Variants in LRP1B observed in about 807,000 individuals in gnomAD.
LRP1B encodes LDL receptor related protein 1B, also known as low-density lipoprotein receptor-related protein 1B.
In LRP1B, 217 loss-of-function variants were observed where a neutral mutation model predicts 556.6. That is an observed-to-expected ratio of 0.39 (90% CI 0.35 to 0.44). The LOEUF is 0.44. Ranked by LOEUF, LRP1B falls within the 20% of genes least tolerant of loss-of-function variation. LRP1B has a pLI of 1.00. For synonymous variants in LRP1B, 2,047 were observed against 1,865.8 expected, an observed-to-expected ratio of 1.10 and a Z score of -2.50; for missense variants, 5,053 against 5,620.8, an observed-to-expected ratio of 0.90 and a Z score of 3.23.
At chr2:140,766,842 TATTA>T (rs1469870986) in intron 35 of LRP1B, among the ~76,000 whole-genome samples, 233 of 15,334 alleles carry the variant, frequency 0.015, no homozygotes, top group South Asian at 0.056. Flanking sequence ...TATATATATA[TATTA>T]TATATATATA....
intron 41 of LRP1B, among the ~76,000 whole-genome samples, chr2:140,693,510 T>C (rs1686318342): frequency 6.6e-6 from 1 of 152,038 alleles, no homozygotes. Flanking sequence ...TGCATTAAAT[T>C]TACAGATAAT....
At chr2:141,463,155 A>G (rs1681979676) in intron 3 of LRP1B, among the ~76,000 whole-genome samples, 1 of 152,178 alleles carries the variant, frequency 6.6e-6, no homozygotes, top group Admixed American at 6.5e-5. Flanking sequence ...ATTGTGGACA[A>G]GTAGTACTTT....
chr2:141,283,715 C>T (rs1304305851), intron 3 of LRP1B, among the ~76,000 whole-genome samples: 2 of 120,994 alleles, frequency 1.7e-5, no homozygotes, highest in East Asian at 5.6e-4. Context: ...CCTGCCTCAG[C>T]CTCCAGACTA....
chr2:142,087,109 T>C (rs1705969655), intron 1 of LRP1B, among the ~76,000 whole-genome samples: 1 of 152,220 alleles, frequency 6.6e-6, no homozygotes, highest in African/African-American at 2.4e-5. Context: ...AATGAGAGAG[T>C]AATATGAAGC....
intron 2 of LRP1B, among the ~76,000 whole-genome samples, chr2:141,650,450 C>G (rs1313057091): frequency 6.6e-6 from 1 of 152,024 alleles, no homozygotes; most frequent in East Asian, 1.9e-4. Context: ...TCCATTTCAG[C>G]CTAAGAACAA....
chr2:140,921,278 G>A (rs1343493614), intron 21 of LRP1B, among the ~76,000 whole-genome samples: 3 of 151,900 alleles, frequency 2.0e-5, no homozygotes, highest in African/African-American at 7.2e-5. Context: ...GCATATTCAA[G>A]TAATTGAAAC....
At chr2:141,573,818 C>T (rs1686627987) in intron 2 of LRP1B, among the ~76,000 whole-genome samples, 1 of 152,056 alleles carries the variant, frequency 6.6e-6, no homozygotes, top group Non-Finnish European at 1.5e-5. Flanking sequence ...ACTATAAACA[C>T]CTCTATGCAA....
intron 1 of LRP1B, among the ~76,000 whole-genome samples, chr2:142,104,165 CAT>C (rs2104974847): frequency 6.6e-6 from 1 of 152,166 alleles, no homozygotes; most frequent in East Asian, 1.9e-4. Flanking sequence ...CTATAATCCA[CAT>C]ATTACCAAAT....
intron 41 of LRP1B, among the ~76,000 whole-genome samples, chr2:140,635,983 G>A (rs1684058822): frequency 6.6e-6 from 1 of 151,888 alleles, no homozygotes; most frequent in Non-Finnish European, 1.5e-5. Flanking sequence ...ATTTCTTTGA[G>A]GTCTGTTGAT....
At chr2:140,723,638 T>A (rs2105480021) in intron 35 of LRP1B, among the ~76,000 whole-genome samples, 1 of 152,310 alleles carries the variant, frequency 6.6e-6, no homozygotes, top group African/African-American at 2.4e-5. Context: ...TTTCTTAAAA[T>A]TCTGTAACTG....
intron 41 of LRP1B, among the ~76,000 whole-genome samples, chr2:140,670,524 A>G (rs1187205427): frequency 6.6e-6 from 1 of 152,184 alleles, no homozygotes; most frequent in African/African-American, 2.4e-5. Flanking sequence ...TTTAGGAGGC[A>G]GTGAGGTCCC....
chr2:140,711,730 T>C (rs185109255), intron 37 of LRP1B, among the ~76,000 whole-genome samples: 18 of 152,240 alleles, frequency 1.2e-4, no homozygotes, highest in Non-Finnish European at 2.2e-4. Flanking sequence ...ACTTAACCTA[T>C]TCACTTTTAA....
chr2:140,545,138 A>AG (rs1465337157), intron 43 of LRP1B, among the ~76,000 whole-genome samples: 3 of 112,498 alleles, frequency 2.7e-5, no homozygotes, highest in African/African-American at 6.8e-5. Flanking sequence ...CATTTTTATG[A>AG]GTTTTTTTTT....
intron 1 of LRP1B, among the ~76,000 whole-genome samples, chr2:141,961,815 C>T (rs1321205970): frequency 6.6e-6 from 1 of 151,606 alleles, no homozygotes; most frequent in Non-Finnish European, 1.5e-5. Flanking sequence ...GTGAAGCCAC[C>T]AATGCCCATT....
At chr2:140,893,530 A>T (rs1235564807) in intron 23 of LRP1B, among the ~76,000 whole-genome samples, 1 of 152,194 alleles carries the variant, frequency 6.6e-6, no homozygotes, top group Non-Finnish European at 1.5e-5. Context: ...TCTCACCCTG[A>T]GCAAATCAAG....
chr2:142,091,454 T>C (rs1163829030), intron 1 of LRP1B, among the ~76,000 whole-genome samples: 2 of 152,164 alleles, frequency 1.3e-5, no homozygotes, highest in Non-Finnish European at 2.9e-5. Flanking sequence ...CTTAGAAGTA[T>C]AGCTAAAACC....
intron 1 of LRP1B, among the ~76,000 whole-genome samples, chr2:141,892,135 A>G (rs575694726): frequency 6.6e-6 from 1 of 152,202 alleles, no homozygotes; most frequent in South Asian, 2.1e-4. Context: ...TATTTCAGAT[A>G]TATAAATTAT....
intron 6 of LRP1B, among the ~76,000 whole-genome samples, chr2:141,196,623 C>CTT (rs1681762717): frequency 6.6e-6 from 1 of 152,050 alleles, no homozygotes. Flanking sequence ...TGTGTTTCAG[C>CTT]TTTTCTTTTT....
intron 7 of LRP1B, among the ~76,000 whole-genome samples, chr2:141,140,827 A>G (rs1701632797): frequency 6.6e-6 from 1 of 152,158 alleles, no homozygotes; most frequent in African/African-American, 2.4e-5. Flanking sequence ...AATCTGATTG[A>G]CTTACTGAGA....
Sources: allele counts gnomAD v4.1 joint callset (sites outside exome capture counted in the v4.1 genomes callset), GRCh38; gene constraint gnomAD v4.1.1; transcripts MANE v1.5; gene names NCBI Gene and HGNC (gene_info 2026-07-23, HGNC 2026-07-21).